The following YAF2 variants were observed in gnomAD, a reference collection of about 807,000 sequenced individuals.
YAF2 encodes the protein YY1-associated factor 2.
YAF2 carries 7 observed loss-of-function variants against 20.1 expected under a neutral mutation model. That is an observed-to-expected ratio of 0.35 (90% CI 0.20 to 0.65). YAF2 has a LOEUF of 0.65. Among genes scored for constraint, YAF2 ranks in the 30% least tolerant of loss-of-function variants. The pLI is 0.69. For synonymous variants in YAF2, 74 were observed against 76.0 expected (o/e 0.97, Z 0.14); for missense variants, 151 against 219.2 (o/e 0.69, Z 1.96).
intron 2 of YAF2, among the ~76,000 whole-genome samples, chr12:42,162,141 C>T (rs965997587): frequency 4.6e-5 from 7 of 152,164 alleles, no homozygotes; most frequent in African/African-American, 1.4e-4. Flanking sequence ...TTTATCCCTC[C>T]TTCAGAGAAG....
rs1292243153 is a variant in YAF2 at position 42,159,843 on chromosome 12, C to G, written c.*746G>C. ...AATGTTTTATATGATACAGAAAATA[C>G]CAGTGTTCAATGACAATAGCACTAA... On this transcript the variant is annotated 3_prime_UTR_variant, in exon 4 of 4. Transcript: ENST00000534854. 6.6e-6 allele frequency: 1 copy of G among 152,312 alleles called. No homozygotes were observed. The highest frequency in any genetic ancestry group is 1.5e-5 in the Non-Finnish European group (1 of 67,922). 9.4% of individuals were successfully genotyped at this position (152,312 alleles called of 1,614,324 possible). A position where few individuals can be genotyped will look rare whatever the true frequency, so the allele number is the denominator to read the frequency against.
chr12:42,224,017 A>G (rs1297463303), intron 2 of YAF2, among the ~76,000 whole-genome samples: 4 of 152,290 alleles, frequency 2.6e-5, no homozygotes, highest in Non-Finnish European at 5.9e-5. Context: ...AGTTCTGCAC[A>G]TGTATCCCAG....
intron 2 of YAF2, among the ~76,000 whole-genome samples, chr12:42,186,189 CAA>C (rs58514363): frequency 3.2e-5 from 2 of 62,554 alleles, no homozygotes; most frequent in African/African-American, 1.4e-4. Flanking sequence ...AACTCTGTCT[CAA>C]AAAAAAAAAA....
At chr12:42,211,175 C>G (rs866056349) in intron 2 of YAF2, among the ~76,000 whole-genome samples, 3 of 152,104 alleles carry the variant, frequency 2.0e-5, no homozygotes, top group Middle Eastern at 6.8e-3. Context: ...GCCTGTAATC[C>G]CAGCACTTTG....
At chr12:42,172,564 G>T (rs1644864740) in intron 2 of YAF2, among the ~76,000 whole-genome samples, 2 of 152,078 alleles carry the variant, frequency 1.3e-5, no homozygotes. Context: ...ATATTTAAAA[G>T]GTTTGAAAAA....
rs941464937 is a variant in YAF2, at chr12:42,157,314, C to T, written c.*3275G>A. On this transcript the variant is annotated 3_prime_UTR_variant, in exon 4 of 4. Coordinates refer to ENST00000534854, the MANE Select transcript of YAF2 (RefSeq NM_005748.6). ...GAGAATTCATCCATTCCTGCAAGAG[C>T]GAATCCATTCCAGAACTAACTGAGC... 11 of 152,216 alleles carry T rather than the reference C, an allele frequency of 7.2e-5. No individual in the cohort carries two copies. Among genetic ancestry groups the T allele is most frequent in the African/African-American group, 2.4e-4 (10 of 41,446 alleles). The allele number at this position is 152,216 out of a possible 1,614,324, so 9.4% of individuals were successfully genotyped here. A position where few individuals can be genotyped will look rare whatever the true frequency, so the allele number is the denominator to read the frequency against.
chr12:42,202,645 T>A (rs972663989), intron 2 of YAF2, among the ~76,000 whole-genome samples: 6 of 152,234 alleles, frequency 3.9e-5, no homozygotes, highest in Non-Finnish European at 8.8e-5. Context: ...TAACTTTTAT[T>A]TCTATTTTTT....
intron 2 of YAF2, among the ~76,000 whole-genome samples, chr12:42,173,838 G>T (rs1168330312): frequency 6.6e-6 from 1 of 152,024 alleles, no homozygotes; most frequent in African/African-American, 2.4e-5. Context: ...TTTATCAAGG[G>T]GGTGACCTTA....
At chr12:42,189,944 A>C (rs1469589489) in intron 2 of YAF2, among the ~76,000 whole-genome samples, 2 of 152,310 alleles carry the variant, frequency 1.3e-5, no homozygotes, top group East Asian at 3.9e-4. Context: ...TAAATAGCAA[A>C]AGCAGCTACG....
chr12:42,211,427 CAAAAAAA>C (rs34683165), intron 2 of YAF2, among the ~76,000 whole-genome samples: 3 of 51,610 alleles, frequency 5.8e-5, no homozygotes, highest in South Asian at 9.0e-4. Context: ...ACTCTGTCTC[CAAAAAAA>C]AAAAAAAAAA....
chr12:42,177,208 T>C (rs559209325), intron 2 of YAF2, among the ~76,000 whole-genome samples: 3 of 152,314 alleles, frequency 2.0e-5, no homozygotes, highest in East Asian at 1.9e-4. Flanking sequence ...AGGCTCTTCC[T>C]ATCTGATCTT....
At chr12:42,206,711 A>G (rs2137197801) in intron 2 of YAF2, among the ~76,000 whole-genome samples, 1 of 152,300 alleles carries the variant, frequency 6.6e-6, no homozygotes, top group African/African-American at 2.4e-5. Flanking sequence ...TGACAAAAAA[A>G]AAATCACTTT....
At chr12:42,189,271 G>A (rs2137089857) in intron 2 of YAF2, among the ~76,000 whole-genome samples, 1 of 152,320 alleles carries the variant, frequency 6.6e-6, no homozygotes, top group South Asian at 2.1e-4. Flanking sequence ...GCAAGTTAGA[G>A]GCAGGATATG....
chr12:42,186,134 T>C (rs1039082479), intron 2 of YAF2, among the ~76,000 whole-genome samples: 1 of 132,656 alleles, frequency 7.5e-6, no homozygotes, highest in Non-Finnish European at 1.5e-5. Context: ...GAGGTTGCAG[T>C]GGCTGAGATT....
At chr12:42,232,604 T>C (rs1445950149) in intron 2 of YAF2, 3 of 985,352 alleles carry the variant, frequency 3.0e-6, no homozygotes, top group Admixed American at 1.2e-4. Context: ...TCAGGAACCA[T>C]GCATTTCTTT....
chr12:42,183,512 G>T (rs1357667420), intron 2 of YAF2, among the ~76,000 whole-genome samples: 2 of 152,174 alleles, frequency 1.3e-5, no homozygotes, highest in Non-Finnish European at 2.9e-5. Context: ...TTACTACTGG[G>T]ATATGGAGAA....
intron 2 of YAF2, among the ~76,000 whole-genome samples, chr12:42,237,122 C>T (rs2068188600): frequency 1.3e-5 from 2 of 152,264 alleles, no homozygotes; most frequent in Admixed American, 6.5e-5. Context: ...CTTGATCTGA[C>T]CCTTCCAGAA....
At chr12:42,225,243 T>C (rs2067655678) in intron 2 of YAF2, among the ~76,000 whole-genome samples, 1 of 152,246 alleles carries the variant, frequency 6.6e-6, no homozygotes, top group Non-Finnish European at 1.5e-5. Flanking sequence ...TTAAGTTCTT[T>C]GTATATTCTG....
chr12:42,168,522 A>T (rs1368712114), intron 2 of YAF2, among the ~76,000 whole-genome samples: 1 of 152,150 alleles, frequency 6.6e-6, no homozygotes, highest in East Asian at 1.9e-4. Context: ...AAGCAGGGTG[A>T]TTCAGTTTGA....
Sources: allele counts gnomAD v4.1 joint callset (sites outside exome capture counted in the v4.1 genomes callset), GRCh38; gene constraint gnomAD v4.1.1; transcripts MANE v1.5; gene names NCBI Gene and HGNC (gene_info 2026-07-23, HGNC 2026-07-21).